Variants in MYO5A observed in about 807,000 individuals in gnomAD.
MYO5A encodes myosin VA.
Under a neutral mutation model 249.7 loss-of-function variants are expected in MYO5A, and 98 were observed. The observed-to-expected ratio is 0.39, with a 90% CI of 0.33 to 0.46. The LOEUF is 0.46. Ranked by LOEUF, MYO5A falls within the 20% of genes least tolerant of loss-of-function variation. MYO5A has a pLI of 0.98. For missense variants in MYO5A, 1,696 were observed against 2,308.8 expected (o/e 0.73, Z 5.44); for synonymous variants, 778 against 810.6 (o/e 0.96, Z 0.68).
chr15:52,435,256 C>T (rs1342107399), intron 1 of MYO5A, among the ~76,000 whole-genome samples: 6 of 147,798 alleles, frequency 4.1e-5, no homozygotes, highest in African/African-American at 1.5e-4. Flanking sequence ...CTGGATATTA[C>T]GTTAACCTCT....
intron 4 of MYO5A, among the ~76,000 whole-genome samples, chr15:52,421,573 C>T (rs974445154): frequency 7.2e-5 from 11 of 152,166 alleles, no homozygotes; most frequent in African/African-American, 2.4e-4. Context: ...AGCCTGATGA[C>T]TGGCATAGAG....
intron 1 of MYO5A, among the ~76,000 whole-genome samples, chr15:52,492,406 A>G (rs966759815): frequency 2.0e-5 from 3 of 152,250 alleles, no homozygotes. Flanking sequence ...GCTAGTTACA[A>G]TAATGCTGTC....
At chr15:52,509,135 C>A (rs1468758289) in intron 1 of MYO5A, among the ~76,000 whole-genome samples, 2 of 152,120 alleles carry the variant, frequency 1.3e-5, no homozygotes, top group Non-Finnish European at 2.9e-5. Context: ...CCACACCCAG[C>A]TAATATTTTA....
intron 16 of MYO5A, among the ~76,000 whole-genome samples, chr15:52,381,198 G>A (rs954435062): frequency 6.6e-6 from 1 of 152,042 alleles, no homozygotes; most frequent in Non-Finnish European, 1.5e-5. Context: ...TGTTGGTGGT[G>A]GAAGAGCGGG....
intron 20 of MYO5A, among the ~76,000 whole-genome samples, chr15:52,373,161 AC>A (rs2041219383): frequency 6.6e-6 from 1 of 152,148 alleles, no homozygotes; most frequent in African/African-American, 2.4e-5. Context: ...ATTTTATGTT[AC>A]ATTTCCTAAA....
At chr15:52,371,598 T>C (rs571172107) in intron 21 of MYO5A, among the ~76,000 whole-genome samples, 1 of 152,212 alleles carries the variant, frequency 6.6e-6, no homozygotes, top group Admixed American at 6.5e-5. Context: ...TTCTCAAAAA[T>C]AATTTCCTGC....
chr15:52,370,249 G>A lies in MYO5A; in HGVS notation c.2986C>T (p.Arg996Trp), dbSNP rs752540878. Residue 996 changes from arginine to tryptophan, a missense_variant, in exon 22 of 42, where the codon CGG (arginine) becomes TGG (tryptophan). By Grantham distance (101) the Arg-to-Trp change is moderately radical (BLOSUM62 -3). Coordinates refer to ENST00000399233, the MANE Select transcript of MYO5A (RefSeq NM_001382347.1). Reference protein sequence around the residue: ...LSLQEEIAKLRKDLEQTRSEK... With the variant: ...LSLQEEIAKLWKDLEQTRSEK... ...GAACGAGTTTGCTCCAGGTCTTTCC[G>A]GAGCTTGGCAATTTCTTCCTGCAGA... is the stretch of plus-strand genomic sequence containing the variant. The A allele has an allele frequency of 1.5e-5, 25 of 1,613,886 alleles. No homozygotes were observed. Among genetic ancestry groups the A allele is most frequent in the Middle Eastern group, 1.6e-4 (1 of 6,080 alleles).
intron 36 of MYO5A, chr15:52,323,907 G>A (rs970130605): frequency 1.5e-5 from 3 of 199,724 alleles, no homozygotes; most frequent in African/African-American, 7.2e-5. Context: ...GGGATGCTGA[G>A]GTAGGAGAAT....
chr15:52,329,422 C>T (rs2056975901), intron 35 of MYO5A, among the ~76,000 whole-genome samples: 1 of 152,152 alleles, frequency 6.6e-6, no homozygotes, highest in Non-Finnish European at 1.5e-5. Context: ...CACTTCACAA[C>T]TTACGGTGTG....
rs760014524 is a variant in MYO5A, at chr15:52,410,438, G to A, written c.651C>T (p.Ser217=). ...TCTCAATATACTTCCCAAAACGGCT[G>A]CTATTATCATTCCTGGTTGTTTTAG... ...GNAKTTRNDN[S]SRFGKYIEIG... The change falls in exon 6 of 42, where the codon AGC becomes AGT. Residue 217 remains serine (S), a synonymous_variant. Coordinates refer to ENST00000399233, the MANE Select transcript of MYO5A (RefSeq NM_001382347.1). The A allele has an allele frequency of 2.5e-6, 4 of 1,613,616 alleles. No individual in the cohort carries two copies. Among genetic ancestry groups the A allele is most frequent in the Non-Finnish European group, 3.4e-6 (4 of 1,179,600 alleles).
chr15:52,365,724 C>T (rs2040775043), intron 23 of MYO5A, among the ~76,000 whole-genome samples: 1 of 152,198 alleles, frequency 6.6e-6, no homozygotes, highest in African/African-American at 2.4e-5. Flanking sequence ...GAAAGAATTT[C>T]TTCTCTCTAA....
At chr15:52,512,933 C>G (rs2077422384) in intron 1 of MYO5A, among the ~76,000 whole-genome samples, 1 of 149,220 alleles carries the variant, frequency 6.7e-6, no homozygotes, top group Admixed American at 6.7e-5. Flanking sequence ...GGAGACCATG[C>G]TGGTAAACAG....
At chr15:52,397,541 A>G (rs2042544784) in intron 9 of MYO5A, 75 bp from the exon 10 acceptor site, 1 of 1,525,176 alleles carries the variant, frequency 6.6e-7, no homozygotes, top group Non-Finnish European at 9.1e-7. Context: ...GTTAACAAAG[A>G]GTTAACAAAT....
intron 35 of MYO5A, 84 bp downstream of exon 35, chr15:52,330,269 A>G (rs1567024892): frequency 6.4e-7 from 1 of 1,553,430 alleles, no homozygotes; most frequent in Non-Finnish European, 8.9e-7. Flanking sequence ...CCTACGCTGA[A>G]TATCTCAAAA....
chr15:52,370,524 T>C, intron 21 of MYO5A, 107 bp from the exon 22 acceptor site: 3 of 1,234,138 alleles, frequency 2.4e-6, no homozygotes, highest in Admixed American at 3.7e-5. Context: ...CATCATAACA[T>C]TGATATAGTA....
chr15:52,348,925 A>C, intron 28 of MYO5A, 99 bp from the exon 29 acceptor site: 2 of 1,312,136 alleles, frequency 1.5e-6, no homozygotes, highest in Non-Finnish European at 2.1e-6. Context: ...ATAACAGATA[A>C]AAGCTAATTT....
chr15:52,462,744 A>G (rs1317465409), intron 1 of MYO5A, among the ~76,000 whole-genome samples: 2 of 151,884 alleles, frequency 1.3e-5, no homozygotes, highest in Non-Finnish European at 2.9e-5. Flanking sequence ...GCTACTCTGG[A>G]GGCTGAGGCA....
At chr15:52,482,789 G>C (rs543302621) in intron 1 of MYO5A, among the ~76,000 whole-genome samples, 4 of 152,286 alleles carry the variant, frequency 2.6e-5, no homozygotes, top group Non-Finnish European at 4.4e-5. Context: ...CAAGGAGCCT[G>C]AGGCCCAGAT....
intron 16 of MYO5A, among the ~76,000 whole-genome samples, chr15:52,380,207 G>C (rs2041659683): frequency 1.3e-5 from 2 of 152,222 alleles, no homozygotes; most frequent in Non-Finnish European, 2.9e-5. Flanking sequence ...AGGCCCAGGA[G>C]GGTAGATCAC....
Sources: gnomAD v4.1 joint callset for allele counts (sites outside exome capture counted in the v4.1 genomes callset) on GRCh38, gnomAD v4.1.1 for gene constraint, MANE v1.5 for transcripts, NCBI Gene and HGNC (gene_info 2026-07-23, HGNC 2026-07-21) for gene names.